Variants in NOL11 observed in about 807,000 individuals in gnomAD.
NOL11 encodes the protein nucleolar protein 11.
A neutral mutation model predicts 93.0 loss-of-function variants in NOL11; 42 were observed. That is an observed-to-expected ratio of 0.45 (90% CI 0.35 to 0.58). The LOEUF (loss-of-function observed/expected upper bound fraction) is 0.58, where lower values mean the gene tolerates loss of function less well. Among genes scored for constraint, NOL11 ranks in the 20% least tolerant of loss-of-function variants. The pLI is 0.00. For missense variants in NOL11, 775 were observed against 841.8 expected, an observed-to-expected ratio of 0.92 and a Z score of 0.98; for synonymous variants, 296 against 293.7, an observed-to-expected ratio of 1.01 and a Z score of -0.08.
intron 7 of NOL11, among the ~76,000 whole-genome samples, chr17:67,728,596 C>G (rs1389511353): frequency 6.6e-6 from 1 of 152,162 alleles, no homozygotes; most frequent in East Asian, 1.9e-4. Context: ...CCGGTGGCTA[C>G]TATAGAGTTT....
intron 7 of NOL11, among the ~76,000 whole-genome samples, chr17:67,730,813 G>A (rs945050585): frequency 1.3e-5 from 2 of 152,110 alleles, no homozygotes; most frequent in East Asian, 1.9e-4. Flanking sequence ...TACTCTTTTC[G>A]TTGTTGATTG....
chr17:67,726,649 G>A lies in NOL11; in HGVS notation c.853+1G>A. 1.9e-6 allele frequency: 3 copies of A among 1,577,206 alleles called. No individual in the cohort carries two copies. Among genetic ancestry groups the A allele is most frequent in the Non-Finnish European group, 2.6e-6 (3 of 1,163,932 alleles). ...GGAAGTCCACTAGCAGCTTCTAAGG[G>A]TAACTGACATCCAATTCATTAAGAA... On this transcript the variant is annotated splice_donor_variant, in intron 7 of 17. Transcript: ENST00000253247. LOFTEE classifies it high-confidence loss of function.
rs1216620439 is a variant in NOL11, at chr17:67,719,762, A to C, written c.230A>C (p.Glu77Ala). The C allele has an allele frequency of 1.9e-6, 3 of 1,607,894 alleles. No homozygotes were observed. The highest frequency in any genetic ancestry group is 2.7e-5 in the African/African-American group (2 of 74,796). Residue 77 changes from glutamate (E) to alanine (A), a missense_variant, in exon 2 of 18, where the codon GAG becomes GCG. By Grantham distance (107) the Glu-to-Ala change is moderately radical. Transcript: ENST00000253247. ...CPAVCNFQTG[E>A]YVVVHDNKVL... ...GCTGTGTGCAACTTTCAAACTGGAG[A>C]GTATGTTGTTGTACACGATAATAAG...
chr17:67,718,483 G>T lies in NOL11; in HGVS notation c.141+395G>T, dbSNP rs564982888. ...TGACACTGACAGAGTGGGAATAGTG[G>T]TTTAGCCGTGTCTACACTTCACACC... On this transcript the variant is annotated intron_variant, in intron 1 of 17. Transcript: ENST00000253247. 3.9e-5 allele frequency among the ~76,000 whole-genome samples: 6 copies of T among 152,274 alleles called. No homozygotes were observed. In the East Asian group the frequency reaches 1.2e-3, roughly 29 times the overall value.
intron 7 of NOL11, among the ~76,000 whole-genome samples, chr17:67,730,988 T>C (rs2055149373): frequency 1.3e-5 from 2 of 152,228 alleles, no homozygotes; most frequent in East Asian, 1.9e-4. Context: ...TAGTACTTCA[T>C]TTCGGTTTTG....
Position 67,737,905 on chromosome 17 carries a change from C to G in NOL11, c.1462C>G (p.Leu488Val). The change falls in exon 13 of 18, where the codon CTC (leucine) becomes GTC (valine). Residue 488 changes from leucine to valine, a missense_variant. Transcript: ENST00000253247. Reference sequence around the variant, plus strand: ...AAAGAAAGATGTACAGTTGTTACAACTCTGTCTACAGCAGTTCCCTGACAT... The same window carrying G: ...AAAGAAAGATGTACAGTTGTTACAAGTCTGTCTACAGCAGTTCCCTGACAT... Reference protein sequence around the residue: ...LKKKDVQLLQLCLQQFPDIPE... With the variant: ...LKKKDVQLLQVCLQQFPDIPE... The G allele has an allele frequency of 6.2e-7, 1 of 1,613,678 alleles. No individual in the cohort carries two copies. Among genetic ancestry groups the G allele is most frequent in the South Asian group, 1.1e-5 (1 of 91,048 alleles).
intron 5 of NOL11, 68 bp from the exon 6 acceptor site, chr17:67,723,981 G>T: frequency 8.8e-7 from 1 of 1,136,756 alleles, no homozygotes; most frequent in Non-Finnish European, 1.2e-6. Flanking sequence ...ACAACTTCTG[G>T]TTTTAACATA....
intron 7 of NOL11, among the ~76,000 whole-genome samples, chr17:67,729,763 T>A (rs956158142): frequency 6.6e-6 from 1 of 151,590 alleles, no homozygotes; most frequent in African/African-American, 2.4e-5. Flanking sequence ...GTATTTTTAG[T>A]AGAGACGGGG....
chr17:67,730,354 G>A (rs1014999783), intron 7 of NOL11, among the ~76,000 whole-genome samples: 27 of 152,078 alleles, frequency 1.8e-4, no homozygotes. Context: ...TCCGCCTCTC[G>A]GGTTCACACC....
chr17:67,734,415 G>C lies in NOL11; in HGVS notation c.906G>C (p.Glu302Asp). ...IKFQTLQTSK[E>D]LPQGTSGQLW... ...TTCAAACACTACAGACTTCAAAAGAGTTACCACAAGGGACCAGTGGTCAAG... is the reference window on the plus strand; with the variant it reads ...TTCAAACACTACAGACTTCAAAAGACTTACCACAAGGGACCAGTGGTCAAG... Residue 302 changes from glutamate (E) to aspartate (D), a missense_variant, in exon 8 of 18, where the codon GAG becomes GAC. Physicochemically the swap from Glu to Asp is conservative, Grantham distance 45 (BLOSUM62 2). Around this residue, in one of 2 missense-constraint regions of NOL11, gnomAD observed 416 missense variants for 525.2 expected, o/e 0.79. Transcript: ENST00000253247. The C allele has an allele frequency of 6.2e-7, 1 of 1,606,580 alleles. No homozygotes were observed. Among genetic ancestry groups the C allele is most frequent in the Non-Finnish European group, 8.5e-7 (1 of 1,173,596 alleles).
intron 7 of NOL11, among the ~76,000 whole-genome samples, chr17:67,727,885 A>G (rs919842166): frequency 4.1e-5 from 6 of 145,178 alleles, no homozygotes; most frequent in South Asian, 2.2e-4. Flanking sequence ...TGCACTATGC[A>G]CTCAACCTGG....
Position 67,730,552 on chromosome 17 carries a change from G to A in NOL11, c.854-3811G>A, listed in dbSNP as rs186932601. The stretch of plus-strand genomic sequence containing the variant: ...TGGGATTACAGGCGTGAGCCACTGC[G>A]CCCAGCTGTGTACCAGTTTTTAATT... On this transcript the variant is annotated intron_variant, in intron 7 of 17. Transcript: ENST00000253247. Among the ~76,000 whole-genome samples the A allele has an allele frequency of 1.0e-3, 152 of 152,318 alleles. 3 individuals carry two copies. The highest frequency in any genetic ancestry group is 8.2e-3 in the Admixed American group (126 of 15,302).
chr17:67,722,765 G>A (rs2043228200), intron 5 of NOL11, 128 bp downstream of exon 5: 1 of 1,255,486 alleles, frequency 8.0e-7, no homozygotes, highest in Non-Finnish European at 1.1e-6. Context: ...GTTCACTGCA[G>A]CCTCAACCTC....
intron 16 of NOL11, among the ~76,000 whole-genome samples, chr17:67,741,070 AT>A (rs916069121): frequency 3.0e-4 from 45 of 150,518 alleles, no homozygotes; most frequent in African/African-American, 6.6e-4. Context: ...TGAAAATACA[AT>A]TTTTTTTTCC....
Position 67,726,637 on chromosome 17 carries a change from C to A in NOL11, c.842C>A (p.Ala281Glu), listed in dbSNP as rs1200905271. Residue 281 changes from alanine to glutamate, a missense_variant, in exon 7 of 18, where the codon GCA (alanine) becomes GAA (glutamate). By Grantham distance (107) the Ala-to-Glu change is moderately radical. Around this residue, in one of 2 missense-constraint regions of NOL11, gnomAD observed 416 missense variants for 525.2 expected, o/e 0.79. Coordinates refer to ENST00000253247, the MANE Select transcript of NOL11 (RefSeq NM_015462.5). ...GTCGCAGTCCTAGGAAGTCCACTAG[C>A]AGCTTCTAAGGGTAACTGACATCCA... ...DHVAVLGSPLAASKECLSVWN... is the reference protein window; with the variant it reads ...DHVAVLGSPLEASKECLSVWN... 2.5e-6 allele frequency: 4 copies of A among 1,601,816 alleles called. No homozygotes were observed. Among genetic ancestry groups the A allele is most frequent in the Non-Finnish European group, 3.4e-6 (4 of 1,175,548 alleles).
At chr17:67,722,794 C>A (rs1202778526) in intron 5 of NOL11, among the ~76,000 whole-genome samples, 157 bp downstream of exon 5, 1 of 152,156 alleles carries the variant, frequency 6.6e-6, no homozygotes, top group Admixed American at 6.5e-5. Flanking sequence ...AGCAGTCCTC[C>A]CACTTCAGCC....
intron 6 of NOL11, 90 bp downstream of exon 6, chr17:67,724,283 C>A: frequency 2.9e-6 from 2 of 697,352 alleles, no homozygotes; most frequent in Non-Finnish European, 4.5e-6. Flanking sequence ...CTTTGTGAAG[C>A]ATTCAGTTAC....
At chr17:67,739,973 C>T (rs769296838) in intron 16 of NOL11, among the ~76,000 whole-genome samples, 12 of 152,148 alleles carry the variant, frequency 7.9e-5, no homozygotes, top group South Asian at 2.1e-4. Flanking sequence ...TGGTGACTCA[C>T]GCCTGTAATC....
intron 5 of NOL11, among the ~76,000 whole-genome samples, chr17:67,723,547 C>T (rs998850204): frequency 1.3e-5 from 2 of 151,260 alleles, no homozygotes; most frequent in African/African-American, 4.9e-5. Flanking sequence ...CACCACTACT[C>T]CTGGCTAATT....
Sources: allele counts gnomAD v4.1 joint callset (sites outside exome capture counted in the v4.1 genomes callset), GRCh38; gene constraint gnomAD v4.1.1; regional missense constraint gnomAD v4.1.1; transcripts MANE v1.5; gene names NCBI Gene and HGNC (gene_info 2026-07-23, HGNC 2026-07-21).